The following COL18A1 variants were observed in gnomAD, a reference collection of about 807,000 sequenced individuals.
The protein encoded by COL18A1 is collagen alpha-1(XVIII) chain.
In COL18A1, 133 loss-of-function variants were observed where a neutral mutation model predicts 168.0. The ratio of observed to expected loss-of-function variants is 0.79; its 90% confidence interval spans 0.69 to 0.91. The LOEUF (loss-of-function observed/expected upper bound fraction) is 0.91, where lower values mean the gene tolerates loss of function less well. COL18A1 is among the 40% of genes least tolerant of loss of function. COL18A1 has a pLI of 0.00. For missense variants in COL18A1, 2,126 were observed against 1,925.4 expected, an observed-to-expected ratio of 1.10 and a Z score of -1.95; for synonymous variants, 949 against 809.0, an observed-to-expected ratio of 1.17 and a Z score of -2.94.
intron 36 of COL18A1, 52 bp from the exon 37 acceptor site, chr21:45,505,786 T>TTCCCCCCCC: frequency 1.1e-6 from 1 of 939,198 alleles, no homozygotes; most frequent in Admixed American, 2.1e-5. Flanking sequence ...CTTCCGCCCC[T>TTCCCCCCCC]GCCCCCCGCC....
chr21:45,485,168 T>TTTTTTTTTTTTTTTTTTTTTTC (rs2036066769), intron 15 of COL18A1, among the ~76,000 whole-genome samples: 1 of 142,750 alleles, frequency 7.0e-6, no homozygotes, highest in Non-Finnish European at 1.5e-5. Flanking sequence ...TTTTTTTTTT[T>TTTTTTTTTTTTTTTTTTTTTTC]TTTTTTTTTT....
chr21:45,468,802 C>T lies in COL18A1; in HGVS notation c.651+16C>T, dbSNP rs754496896. On this transcript the variant is annotated intron_variant, in intron 3 of 41. Transcript: ENST00000651438. Reference sequence around the variant, plus strand: ...CAAGTTCCAGGTAACCCCCACTGTGCCGTCGCTGGGGGACTGGAGCAGCTG... The same window carrying T: ...CAAGTTCCAGGTAACCCCCACTGTGTCGTCGCTGGGGGACTGGAGCAGCTG... The T allele has an allele frequency of 2.5e-6, 4 of 1,571,952 alleles. No homozygotes were observed. The highest frequency in any genetic ancestry group is 2.6e-6 in the Non-Finnish European group (3 of 1,165,458).
intron 2 of COL18A1, among the ~76,000 whole-genome samples, chr21:45,445,574 C>T (rs138827639): frequency 6.6e-6 from 1 of 152,368 alleles, no homozygotes; most frequent in African/African-American, 2.4e-5. Context: ...TCCCTTCCTG[C>T]AGCCTTGGGA....
chr21:45,414,056 G>C (rs949567099), intron 2 of COL18A1, among the ~76,000 whole-genome samples: 1 of 152,234 alleles, frequency 6.6e-6, no homozygotes, highest in African/African-American at 2.4e-5. Flanking sequence ...AGGAGGAGGT[G>C]GAGGAGGAGG....
At position 45,513,665 on chromosome 21, in the gene COL18A1, T is replaced by G. The variant is rs1339095645; in HGVS notation, c.*1267T>G. The G allele has an allele frequency of 1.3e-5, 2 of 152,210 alleles. No individual in the cohort carries two copies. The highest frequency in any genetic ancestry group is 2.4e-5 in the African/African-American group (1 of 41,450). 9.4% of individuals were successfully genotyped at this position (152,210 alleles called of 1,614,324 possible). On this transcript the variant is annotated 3_prime_UTR_variant, in exon 42 of 42. Coordinates refer to ENST00000651438, the MANE Select transcript of COL18A1 (RefSeq NM_001379500.1). Reference sequence around the variant, plus strand: ...AAACCGGTGGGGCTGGTTCTGTAATTGTGTGTGATGTGAAGCCAATTCAGA... The same window carrying G: ...AAACCGGTGGGGCTGGTTCTGTAATGGTGTGTGATGTGAAGCCAATTCAGA...
intron 2 of COL18A1, among the ~76,000 whole-genome samples, chr21:45,411,566 AG>A (rs2033289759): frequency 6.6e-6 from 1 of 152,092 alleles, no homozygotes; most frequent in Non-Finnish European, 1.5e-5. Context: ...CACAGTCTGG[AG>A]GGCCCGGCGC....
intron 2 of COL18A1, among the ~76,000 whole-genome samples, chr21:45,452,139 G>A (rs1346167848): frequency 6.6e-6 from 1 of 152,254 alleles, no homozygotes; most frequent in Non-Finnish European, 1.5e-5. Context: ...GGTGCCATCT[G>A]GGCACCCAGA....
chr21:45,456,672 G>T lies in COL18A1; in HGVS notation c.107-11570G>T, dbSNP rs921114095. The T allele has an allele frequency of 2.6e-6, 4 of 1,532,704 alleles. No individual in the cohort carries two copies. In the African/African-American group the frequency reaches 5.5e-5, roughly 21 times the overall value. The allele number at this position is 1,532,704 out of a possible 1,614,324, so 94.9% of individuals were successfully genotyped here. ...TGGGGGGGCCTGCTGCAGACGCACT[G>T]CCACCCCTTCCTCGCCTGGTTCTTC... is the stretch of plus-strand genomic sequence containing the variant. On this transcript the variant is annotated intron_variant, in intron 2 of 41. Coordinates refer to ENST00000651438, the MANE Select transcript of COL18A1 (RefSeq NM_001379500.1).
At chr21:45,477,644 T>G (rs1268861279) in intron 7 of COL18A1, 106 bp from the exon 8 acceptor site, 6 of 1,311,716 alleles carry the variant, frequency 4.6e-6, no homozygotes, top group Non-Finnish European at 6.4e-6. Context: ...GCGTGTCCAC[T>G]GTGGGAAGCA....
chr21:45,455,591 G>C, intron 2 of COL18A1: 1 of 1,613,950 alleles, frequency 6.2e-7, no homozygotes, highest in Non-Finnish European at 8.5e-7. Context: ...CCTGGCGGCT[G>C]CCCGGGCCAA....
At chr21:45,447,887 A>G (rs2034537289) in intron 2 of COL18A1, among the ~76,000 whole-genome samples, 1 of 152,090 alleles carries the variant, frequency 6.6e-6, no homozygotes, top group Non-Finnish European at 1.5e-5. Flanking sequence ...GCTGTGCTCC[A>G]CCCATTGGCC....
Position 45,499,996 on chromosome 21 carries a change from C to A in COL18A1, c.2683+2335C>A, listed in dbSNP as rs138552983. Reference sequence around the variant, plus strand: ...ACATTGTCAATGGGATATGGCTAAACCATGTGCCGCTTACAAGAGACGCTC... The same window carrying A: ...ACATTGTCAATGGGATATGGCTAAAACATGTGCCGCTTACAAGAGACGCTC... On this transcript the variant is annotated intron_variant, in intron 32 of 41. Coordinates refer to ENST00000651438, the MANE Select transcript of COL18A1 (RefSeq NM_001379500.1). Among the ~76,000 whole-genome samples, 151 of 152,258 alleles carry A rather than the reference C, an allele frequency of 9.9e-4. 1 individual carries two copies. The highest frequency in any genetic ancestry group is 3.3e-3 in the African/African-American group (136 of 41,540).
intron 2 of COL18A1, among the ~76,000 whole-genome samples, chr21:45,440,631 C>T (rs980009261): frequency 5.3e-5 from 8 of 151,016 alleles, no homozygotes; most frequent in South Asian, 2.1e-4. Context: ...CCACGTTCCC[C>T]GGAAGCAGCT....
In COL18A1 at chr21:45,451,010, A is replaced by G. The variant is rs566452689; in HGVS notation, c.107-17232A>G. Among the ~76,000 whole-genome samples the G allele has an allele frequency of 1.6e-3, 245 of 152,346 alleles. 1 individual carries two copies. The highest frequency in any genetic ancestry group is 5.7e-3 in the African/African-American group (239 of 41,578). On this transcript the variant is annotated intron_variant, in intron 2 of 41. Coordinates refer to ENST00000651438, the MANE Select transcript of COL18A1 (RefSeq NM_001379500.1). The stretch of plus-strand genomic sequence containing the variant: ...CCCTCGTGGCTGCTCCGGCGGTGCC[A>G]TCACCTCTGGAGACAGGGCCCGACT...
At chr21:45,495,019 C>T (rs2036483864) in intron 28 of COL18A1, 104 bp downstream of exon 28, 1 of 1,012,736 alleles carries the variant, frequency 9.9e-7, no homozygotes, top group Middle Eastern at 2.8e-4. Flanking sequence ...TGGACGGCCG[C>T]CGCACCCACT....
intron 2 of COL18A1, among the ~76,000 whole-genome samples, chr21:45,437,547 C>G (rs1338792891): frequency 6.2e-5 from 3 of 48,548 alleles, no homozygotes; most frequent in Non-Finnish European, 1.2e-4. Flanking sequence ...CACTCTCCTG[C>G]ACACACACAC....
At chr21:45,506,126 CT>C in intron 37 of COL18A1, 160 bp downstream of exon 37, 1 of 1,139,438 alleles carries the variant, frequency 8.8e-7, no homozygotes, top group East Asian at 2.6e-5. Context: ...TAGTAAAATA[CT>C]TTTGTGAGCA....
At chr21:45,437,356 G>GTA (rs2034160573) in intron 2 of COL18A1, among the ~76,000 whole-genome samples, 1 of 12,832 alleles carries the variant, frequency 7.8e-5, no homozygotes, top group Admixed American at 9.6e-4. Flanking sequence ...GCACTCTCCT[G>GTA]CGCACACACA....
intron 2 of COL18A1, among the ~76,000 whole-genome samples, chr21:45,467,076 G>A (rs952942051): frequency 3.9e-5 from 6 of 152,260 alleles, no homozygotes; most frequent in Non-Finnish European, 8.8e-5. Flanking sequence ...GGCTCAGCCC[G>A]TTGGGACCCC....
Sources: allele counts gnomAD v4.1 joint callset (sites outside exome capture counted in the v4.1 genomes callset), GRCh38; gene constraint gnomAD v4.1.1; transcripts MANE v1.5; gene names NCBI Gene and HGNC (gene_info 2026-07-23, HGNC 2026-07-21).